Variants in SYNPR observed in about 807,000 individuals in gnomAD.
SYNPR encodes synaptoporin.
A neutral mutation model predicts 32.9 loss-of-function variants in SYNPR; 23 were observed. That is an observed-to-expected ratio of 0.70 (90% CI 0.50 to 0.99). SYNPR has a LOEUF of 0.99. Among genes scored for constraint, SYNPR ranks in the 50% least tolerant of loss-of-function variants. SYNPR has a pLI of 0.00. For synonymous variants in SYNPR, 146 were observed against 135.9 expected, an observed-to-expected ratio of 1.07 and a Z score of -0.52; for missense variants, 318 against 349.3, an observed-to-expected ratio of 0.91 and a Z score of 0.71.
rs1240045256 is a variant in SYNPR, at chr3:63,306,321, C to G, written c.84+27579C>G. On this transcript the variant is annotated intron_variant, in intron 2 of 5. Transcript: ENST00000478300. The stretch of plus-strand genomic sequence containing the variant: ...AAAGCATCACTCCTTGGAGAGGGTT[C>G]TCCATATGCTCCCTTTCAATATGTT... 6.3e-4 allele frequency among the ~76,000 whole-genome samples: 96 copies of G among 151,896 alleles called. 2 individuals are homozygous for G. Among genetic ancestry groups the G allele is most frequent in the Non-Finnish European group, 2.9e-5 (2 of 67,912 alleles).
At chr3:63,396,501 C>T (rs945175495) in intron 2 of SYNPR, among the ~76,000 whole-genome samples, 10 of 152,098 alleles carry the variant, frequency 6.6e-5, no homozygotes, top group African/African-American at 2.2e-4. Context: ...CAGGTATCAC[C>T]TCTTTTTTAG....
intron 2 of SYNPR, among the ~76,000 whole-genome samples, chr3:63,312,970 C>A (rs2086983545): frequency 6.6e-6 from 1 of 152,018 alleles, no homozygotes; most frequent in South Asian, 2.1e-4. Context: ...ATCTCTGCAA[C>A]ATGCTTGTAG....
At chr3:63,548,260 G>A (rs189149627) in intron 3 of SYNPR, among the ~76,000 whole-genome samples, 85 of 152,216 alleles carry the variant, frequency 5.6e-4, no homozygotes, top group Middle Eastern at 3.4e-3. Context: ...ACAACTAAGA[G>A]CTGGTATCAG....
chr3:63,585,821 T>G (rs538548893), intron 4 of SYNPR, among the ~76,000 whole-genome samples: 1 of 152,198 alleles, frequency 6.6e-6, no homozygotes, highest in African/African-American at 2.4e-5. Context: ...TTATTTCAAC[T>G]GAGGAAATAA....
upstream of SYNPR, among the ~76,000 whole-genome samples, chr3:63,275,119 C>T (rs1259430358): frequency 6.6e-6 from 1 of 152,150 alleles, no homozygotes; most frequent in East Asian, 1.9e-4. Context: ...ATAGATTCAT[C>T]ATAGTAAGAG....
chr3:63,486,336 A>G (rs1701149877), intron 3 of SYNPR, among the ~76,000 whole-genome samples: 1 of 152,192 alleles, frequency 6.6e-6, no homozygotes. Flanking sequence ...GACAAATGTG[A>G]GTTGGAGGAT....
chr3:63,309,750 C>A (rs1487096847), intron 2 of SYNPR, among the ~76,000 whole-genome samples: 1 of 151,878 alleles, frequency 6.6e-6, no homozygotes, highest in Non-Finnish European at 1.5e-5. Flanking sequence ...ATGTGCTGAC[C>A]ACTCCTATGC....
Position 63,385,865 on chromosome 3 carries a change from T to C in SYNPR, c.85-94967T>C, listed in dbSNP as rs532811954. ...ACATACCAATGTGCTGTGGACTCTA[T>C]TGAGACAAAACAAATGGGGGTTCTA... On this transcript the variant is annotated intron_variant, in intron 2 of 5. Transcript: ENST00000478300. Among the ~76,000 whole-genome samples, 9 of 152,310 alleles carry C rather than the reference T, an allele frequency of 5.9e-5. No individual in the cohort carries two copies. In the South Asian group the frequency reaches 1.0e-3, roughly 18 times the overall value.
intron 2 of SYNPR, among the ~76,000 whole-genome samples, chr3:63,442,000 G>T (rs992522540): frequency 6.6e-6 from 1 of 152,214 alleles, no homozygotes; most frequent in Non-Finnish European, 1.5e-5. Context: ...GTAAGTGGGA[G>T]ACCAGGACTA....
intron 2 of SYNPR, among the ~76,000 whole-genome samples, chr3:63,432,053 T>TA (rs1475543988): frequency 6.6e-6 from 1 of 152,094 alleles, no homozygotes; most frequent in Non-Finnish European, 1.5e-5. Context: ...CAGGAGCCAA[T>TA]AAGAGAAAGG....
chr3:63,442,401 A>G (rs1700195948), intron 2 of SYNPR, among the ~76,000 whole-genome samples: 1 of 152,172 alleles, frequency 6.6e-6, no homozygotes, highest in Non-Finnish European at 1.5e-5. Flanking sequence ...GGGGGCGGGA[A>G]GGAGAGGCAC....
At chr3:63,505,527 G>A (rs1002287295) in intron 3 of SYNPR, among the ~76,000 whole-genome samples, 1 of 152,138 alleles carries the variant, frequency 6.6e-6, no homozygotes, top group Non-Finnish European at 1.5e-5. Flanking sequence ...GCCAAGTGGA[G>A]GGTAGGGAAC....
intron 4 of SYNPR, among the ~76,000 whole-genome samples, chr3:63,608,199 G>A (rs535361065): frequency 3.3e-5 from 5 of 152,166 alleles, no homozygotes; most frequent in Non-Finnish European, 5.9e-5. Flanking sequence ...GATGAGAGAC[G>A]TAGCCCTCAT....
chr3:63,487,822 G>C (rs928132368), intron 3 of SYNPR, among the ~76,000 whole-genome samples: 12 of 152,176 alleles, frequency 7.9e-5, no homozygotes, highest in African/African-American at 2.9e-4. Context: ...CATCGGTGGA[G>C]TAGGAGACTG....
intron 1 of SYNPR, among the ~76,000 whole-genome samples, chr3:63,228,577 T>C (rs2086146133): frequency 6.6e-6 from 1 of 152,180 alleles, no homozygotes; most frequent in South Asian, 2.1e-4. Context: ...CCTTTCTCCT[T>C]AGCTGTATTC....
intron 2 of SYNPR, among the ~76,000 whole-genome samples, chr3:63,332,920 G>A (rs1361543468): frequency 6.6e-6 from 1 of 152,040 alleles, no homozygotes; most frequent in East Asian, 1.9e-4. Flanking sequence ...GATGGCAGTG[G>A]CATCCCAGGC....
At chr3:63,365,281 A>G (rs1228181728) in intron 2 of SYNPR, among the ~76,000 whole-genome samples, 1 of 152,178 alleles carries the variant, frequency 6.6e-6, no homozygotes, top group African/African-American at 2.4e-5. Context: ...CCAGAAAAAT[A>G]TAGTTTCAAA....
chr3:63,527,299 T>C (rs1268737072), intron 3 of SYNPR, among the ~76,000 whole-genome samples: 2 of 152,150 alleles, frequency 1.3e-5, no homozygotes, highest in Non-Finnish European at 2.9e-5. Flanking sequence ...CTGATGATAG[T>C]GTCCATGTCC....
chr3:63,576,114 G>C (rs1702975456), intron 4 of SYNPR, among the ~76,000 whole-genome samples: 1 of 151,970 alleles, frequency 6.6e-6, no homozygotes, highest in Non-Finnish European at 1.5e-5. Flanking sequence ...GTAATATACT[G>C]TGCTTTCTTT....
Sources: allele counts gnomAD v4.1 joint callset (sites outside exome capture counted in the v4.1 genomes callset), GRCh38; gene constraint gnomAD v4.1.1; transcripts MANE v1.5; gene names NCBI Gene and HGNC (gene_info 2026-07-23, HGNC 2026-07-21).